KLHDC4: variants seen among roughly 807,000 people sequenced by gnomAD.
The protein encoded by KLHDC4 is kelch domain containing 4, also known as kelch domain-containing protein 4.
In KLHDC4, 90 loss-of-function variants were observed where a neutral mutation model predicts 62.4. That is an observed-to-expected ratio of 1.44 (90% CI 1.22 to 1.72). The LOEUF is 1.72. Ranked by LOEUF, KLHDC4 falls within the 40% of genes most tolerant of loss-of-function variation. The probability of loss-of-function intolerance (pLI) is 0.00; values close to 1 mark genes in which losing one functional copy is unlikely to be tolerated. For missense variants in KLHDC4, 1,025 were observed against 699.7 expected (o/e 1.47, Z -5.25); for synonymous variants, 386 against 284.4 (o/e 1.36, Z -3.59).
At chr16:87,723,200 C>CTT (rs60066913) in intron 7 of KLHDC4, among the ~76,000 whole-genome samples, 1 of 152,110 alleles carries the variant, frequency 6.6e-6, no homozygotes, top group South Asian at 2.1e-4. Context: ...AGGCTACTGA[C>CTT]TTTTTTTTAC....
chr16:87,701,210 C>A (rs1238675638), exon 1 of KLHDC4: 2 of 221,768 alleles, frequency 9.0e-6, no homozygotes, highest in East Asian at 2.2e-4. Flanking sequence ...TGCAGGCCAG[C>A]GCTTCCCGAT....
At chr16:87,723,938 G>C (rs910128881) in intron 7 of KLHDC4, among the ~76,000 whole-genome samples, 1 of 152,336 alleles carries the variant, frequency 6.6e-6, no homozygotes, top group South Asian at 2.1e-4. Context: ...CCGGGTTCAA[G>C]TGATTCTCCT....
Position 87,709,341 on chromosome 16 carries a change from C to T in KLHDC4, c.1371G>A (p.Gln457=). 6.2e-7 allele frequency: 1 copy of T among 1,613,426 alleles called. No individual in the cohort carries two copies. The highest frequency in any genetic ancestry group is 8.5e-7 in the Non-Finnish European group (1 of 1,179,954). The change falls in exon 10 of 12, where the codon CAG becomes CAA. Residue 457 remains glutamine (Q), a synonymous_variant. Coordinates refer to ENST00000270583, the MANE Select transcript of KLHDC4 (RefSeq NM_017566.4). ...YGGMFEAGDR[Q]VTLSDLHCLD... ...GGCAGTGCAGGTCGCTGAGGGTGACCTGGCGGTCGCCGGCCTCAAACATGC... is the reference window on the plus strand; with the variant it reads ...GGCAGTGCAGGTCGCTGAGGGTGACTTGGCGGTCGCCGGCCTCAAACATGC...
chr16:87,751,791 C>A (rs371738277), intron 4 of KLHDC4, among the ~76,000 whole-genome samples: 3 of 151,510 alleles, frequency 2.0e-5, no homozygotes, highest in African/African-American at 4.9e-5. Context: ...AAAATGAAGT[C>A]GGCCGGGCAC....
chr16:87,732,097 CTTTTTT>C (rs61370494), intron 5 of KLHDC4, among the ~76,000 whole-genome samples: 3 of 132,242 alleles, frequency 2.3e-5, no homozygotes, highest in Non-Finnish European at 3.2e-5. Flanking sequence ...GTGCATATTT[CTTTTTT>C]TTTTTTTTTT....
chr16:87,706,293 G>A, downstream of KLHDC4, among the ~76,000 whole-genome samples: 1 of 131,684 alleles, frequency 7.6e-6, no homozygotes, highest in Non-Finnish European at 1.6e-5. Flanking sequence ...AGGGGGGTGA[G>A]CTGGCACAAC....
chr16:87,762,216 G>A, intron 1 of KLHDC4, 176 bp from the exon 2 acceptor site: 7 of 1,349,728 alleles, frequency 5.2e-6, no homozygotes, highest in Middle Eastern at 2.7e-4. Flanking sequence ...AGTAACCAGA[G>A]CTTGACCTCA....
chr16:87,707,039 G>A (rs28464708), downstream of KLHDC4, among the ~76,000 whole-genome samples: 35,038 of 152,140 alleles, frequency 0.23, 4,233 homozygotes, highest in South Asian at 0.31. Context: ...CATCAGCCCC[G>A]TTATAGAAAA....
chr16:87,762,785 C>G (rs1443580472), intron 1 of KLHDC4, among the ~76,000 whole-genome samples: 1 of 152,136 alleles, frequency 6.6e-6, no homozygotes, highest in Non-Finnish European at 1.5e-5. Flanking sequence ...GTGCCCATTT[C>G]CCAACATTTA....
chr16:87,734,129 G>C (rs376210806), intron 5 of KLHDC4, among the ~76,000 whole-genome samples: 2 of 152,182 alleles, frequency 1.3e-5, no homozygotes, highest in Non-Finnish European at 2.9e-5. Flanking sequence ...GGCGGATCAC[G>C]AGGTCAGGAG....
intron 4 of KLHDC4, 44 bp from the exon 5 acceptor site, chr16:87,748,853 G>A (rs375963249): frequency 1.2e-6 from 2 of 1,608,548 alleles, no homozygotes; most frequent in Non-Finnish European, 1.7e-6. Flanking sequence ...CCACACAGCA[G>A]AAGGGCCAGT....
At chr16:87,754,587 G>C (rs930813473) in intron 4 of KLHDC4, among the ~76,000 whole-genome samples, 6 of 152,206 alleles carry the variant, frequency 3.9e-5, no homozygotes, top group African/African-American at 1.2e-4. Flanking sequence ...CTCTGCACTG[G>C]AGAGGCAGGC....
At position 87,765,898 on chromosome 16, in the gene KLHDC4, G is replaced by A. The variant is rs1271171961; in HGVS notation, c.-8C>T. 1.9e-6 allele frequency: 3 copies of A among 1,550,870 alleles called. No homozygotes were observed. The highest frequency in any genetic ancestry group is 1.4e-5 in the African/African-American group (1 of 73,032). On this transcript the variant is annotated 5_prime_UTR_variant, in exon 1 of 12. Coordinates refer to ENST00000270583, the MANE Select transcript of KLHDC4 (RefSeq NM_017566.4). ...CTTGCCCTTCTTGCCCATCTTGCCG[G>A]GTCCCAAGCCGCGACGGGACACCAG... is the stretch of plus-strand genomic sequence containing the variant.
chr16:87,702,453 G>A (rs1239931260), exon 1 of KLHDC4: 2 of 363,352 alleles, frequency 5.5e-6, no homozygotes, highest in African/African-American at 4.3e-5. Flanking sequence ...CCTCTGGGGA[G>A]CCCGCGTCCC....
chr16:87,761,165 T>C lies in KLHDC4; in HGVS notation c.191+784A>G, dbSNP rs1309409072. ...TGAAAACCAGGAAGGACACTGGCCT[T>C]TGGGAGTGGCTCCAACACCACTCAC... is the stretch of plus-strand genomic sequence containing the variant. On this transcript the variant is annotated intron_variant, in intron 2 of 11. Coordinates refer to ENST00000270583, the MANE Select transcript of KLHDC4 (RefSeq NM_017566.4). 7.9e-5 allele frequency among the ~76,000 whole-genome samples: 12 copies of C among 152,362 alleles called. No individual in the cohort carries two copies. The East Asian group carries it at 2.3e-3, about 29-fold the overall frequency.
At chr16:87,765,491 G>C (rs1467181402) in intron 1 of KLHDC4, among the ~76,000 whole-genome samples, 1 of 152,120 alleles carries the variant, frequency 6.6e-6, no homozygotes, top group Non-Finnish European at 1.5e-5. Context: ...AGGGAGGGTG[G>C]AGGGAGAAGG....
At chr16:87,747,900 T>A (rs566613792) in intron 5 of KLHDC4, among the ~76,000 whole-genome samples, 3 of 152,204 alleles carry the variant, frequency 2.0e-5, no homozygotes, top group Non-Finnish European at 4.4e-5. Context: ...TGCGGCGGCC[T>A]CTATCCCAGA....
rs894004458 is a variant in KLHDC4 at position 87,708,598 on chromosome 16, C to G, written c.1448-132G>C. ...AACCATAATGTGAAACCTAACTCCT[C>G]TTCCCCGACCCCCTTCAGATCCACA... On this transcript the variant is annotated intron_variant, in intron 10 of 11. Transcript: ENST00000270583. 9.6e-5 allele frequency: 48 copies of G among 500,088 alleles called. No homozygotes were observed. The Admixed American group carries it at 1.1e-3, about 12-fold the overall frequency. The allele number at this position is 500,088 out of a possible 1,614,324, so 31.0% of individuals were successfully genotyped here. A position where few individuals can be genotyped will look rare whatever the true frequency, so the allele number is the denominator to read the frequency against.
intron 5 of KLHDC4, chr16:87,747,731 G>C (rs750510169): frequency 7.2e-5 from 11 of 152,306 alleles, no homozygotes; most frequent in Non-Finnish European, 1.6e-4. Flanking sequence ...TGCAGCCAGC[G>C]AACAGGACTC....
Sources: gnomAD v4.1 joint callset for allele counts (sites outside exome capture counted in the v4.1 genomes callset) on GRCh38, gnomAD v4.1.1 for gene constraint, MANE v1.5 for transcripts, NCBI Gene and HGNC (gene_info 2026-07-23, HGNC 2026-07-21) for gene names.